MAPK8: variants seen among roughly 807,000 people sequenced by gnomAD.
MAPK8 encodes mitogen-activated protein kinase 8.
In MAPK8, 13 loss-of-function variants were observed where a neutral mutation model predicts 52.9. That is an observed-to-expected ratio of 0.25 (90% CI 0.16 to 0.39). The LOEUF (loss-of-function observed/expected upper bound fraction) is 0.39. Among genes scored for constraint, MAPK8 ranks in the 10% least tolerant of loss-of-function variants. MAPK8 has a pLI of 1.00. For missense variants in MAPK8, 300 were observed against 519.2 expected (o/e 0.58, Z 4.10); for synonymous variants, 191 against 169.8 (o/e 1.12, Z -0.97).
chr10:48,418,462 GATCA>G (rs1305425394), intron 5 of MAPK8, among the ~76,000 whole-genome samples: 1 of 152,104 alleles, frequency 6.6e-6, no homozygotes, highest in Non-Finnish European at 1.5e-5. Flanking sequence ...TTACATAGAT[GATCA>G]GCAACCCAGG....
In MAPK8 at chr10:48,401,722, C is replaced by A; in HGVS notation, c.62C>A (p.Thr21Lys). The A allele has an allele frequency of 6.2e-7, 1 of 1,600,704 alleles. No homozygotes were observed. The highest frequency in any genetic ancestry group is 1.1e-5 in the South Asian group (1 of 89,250). Reference protein sequence around the residue: ...YSVEIGDSTFTVLKRYQNLKP... With the variant: ...YSVEIGDSTFKVLKRYQNLKP... The stretch of plus-strand genomic sequence containing the variant: ...GTAGAGATTGGAGATTCTACATTCA[C>A]AGTCCTGAAACGATATCAGAATTTA... The change falls in exon 2 of 12, where the codon ACA becomes AAA. Residue 21 changes from threonine (T) to lysine (K), a missense_variant. By Grantham distance (78) the Thr-to-Lys change is moderately conservative (BLOSUM62 -1). Coordinates refer to ENST00000374189, the MANE Select transcript of MAPK8 (RefSeq NM_001323329.2).
chr10:48,382,922 A>G lies in MAPK8; in HGVS notation c.-49-18690A>G, dbSNP rs181635312. On this transcript the variant is annotated intron_variant, in intron 1 of 11. Coordinates refer to ENST00000374189, the MANE Select transcript of MAPK8 (RefSeq NM_001323329.2). ...TAGCTATGTGTATATATATATATGTATATATATATAGCTATGTGTATATAT... is the reference window on the plus strand; with the variant it reads ...TAGCTATGTGTATATATATATATGTGTATATATATAGCTATGTGTATATAT... Among the ~76,000 whole-genome samples the G allele has an allele frequency of 6.6e-3, 290 of 43,952 alleles. 3 individuals carry two copies. Among genetic ancestry groups the G allele is most frequent in the African/African-American group, 0.014 (246 of 17,820 alleles). 28.8% of individuals were successfully genotyped at this position (43,952 alleles called of 152,430 possible). A position where few individuals can be genotyped will look rare whatever the true frequency, so the allele number is the denominator to read the frequency against.
intron 5 of MAPK8, among the ~76,000 whole-genome samples, chr10:48,413,444 A>G (rs560455065): frequency 6.6e-6 from 1 of 152,142 alleles, no homozygotes; most frequent in African/African-American, 2.4e-5. Context: ...ATTCTTACCA[A>G]CACTTTTATT....
At chr10:48,420,522 C>T (rs571912158) in intron 6 of MAPK8, among the ~76,000 whole-genome samples, 198 of 152,152 alleles carry the variant, frequency 1.3e-3, no homozygotes, top group Non-Finnish European at 2.1e-3. Flanking sequence ...TGTTTAAATA[C>T]GGATACATAA....
chr10:48,347,505 G>A lies in MAPK8; in HGVS notation c.-50+40684G>A, dbSNP rs555160266. On this transcript the variant is annotated intron_variant, in intron 1 of 11. Coordinates refer to ENST00000374189, the MANE Select transcript of MAPK8 (RefSeq NM_001323329.2). ...GGTGGTTTGCTGCACCCATCATCCC[G>A]TCATCTACATTAGGTATTTCTCCTA... Among the ~76,000 whole-genome samples the A allele has an allele frequency of 6.6e-5, 10 of 152,236 alleles. No homozygotes were observed. The East Asian group carries it at 9.6e-4, about 15-fold the overall frequency.
intron 1 of MAPK8, among the ~76,000 whole-genome samples, chr10:48,374,569 C>T (rs1019663700): frequency 2.6e-5 from 4 of 152,066 alleles, no homozygotes; most frequent in Non-Finnish European, 4.4e-5. Context: ...ACCACTGATC[C>T]CACAGAAATA....
Position 48,431,200 on chromosome 10 carries a change from A to T in MAPK8, c.1068A>T (p.Ile356=). The T allele has an allele frequency of 8.1e-6, 13 of 1,602,564 alleles. No individual in the cohort carries two copies. The highest frequency in any genetic ancestry group is 1.1e-5 in the Non-Finnish European group (13 of 1,169,560). ...TGTTTACTTCTTTTACAGAATTGAT[A>T]TATAAGGAAGTTATGGACTTGGAGG... is the stretch of plus-strand genomic sequence containing the variant. ...EHTIEEWKEL[I]YKEVMDLEER... Residue 356 remains isoleucine (I), a synonymous_variant, in exon 11 of 12, where the codon ATA becomes ATT. Coordinates refer to ENST00000374189, the MANE Select transcript of MAPK8 (RefSeq NM_001323329.2).
intron 1 of MAPK8, among the ~76,000 whole-genome samples, chr10:48,344,437 TAACC>T (rs1564508635): frequency 6.6e-6 from 1 of 152,238 alleles, no homozygotes; most frequent in African/African-American, 2.4e-5. Flanking sequence ...ATCAGGTACA[TAACC>T]AAAGCATTTC....
At chr10:48,372,290 A>G (rs1260029167) in intron 1 of MAPK8, among the ~76,000 whole-genome samples, 1 of 152,106 alleles carries the variant, frequency 6.6e-6, no homozygotes, top group African/African-American at 2.4e-5. Flanking sequence ...AAGTCTGAAA[A>G]TTCCAAAAAC....
chr10:48,430,896 C>G (rs981600736), intron 10 of MAPK8: 4 of 406,612 alleles, frequency 9.8e-6, no homozygotes, highest in African/African-American at 2.1e-5. Flanking sequence ...TGCTGTAGCA[C>G]AAGTTGCTGG....
At chr10:48,347,138 G>C (rs1845868452) in intron 1 of MAPK8, among the ~76,000 whole-genome samples, 1 of 152,114 alleles carries the variant, frequency 6.6e-6, no homozygotes, top group African/African-American at 2.4e-5. Context: ...ACCCTGTGGG[G>C]CTGGTCCCTA....
chr10:48,380,018 C>A (rs574189650), intron 1 of MAPK8, among the ~76,000 whole-genome samples: 1 of 148,926 alleles, frequency 6.7e-6, no homozygotes, highest in Non-Finnish European at 1.5e-5. Flanking sequence ...CTGAGGTGAG[C>A]GGATCATGAG....
chr10:48,409,232 A>G (rs1342473188), intron 3 of MAPK8, among the ~76,000 whole-genome samples: 1 of 152,192 alleles, frequency 6.6e-6, no homozygotes, highest in Non-Finnish European at 1.5e-5. Flanking sequence ...AGTAGAATGG[A>G]CAGCATTCTA....
chr10:48,335,539 T>C (rs542904804), intron 1 of MAPK8, among the ~76,000 whole-genome samples: 7 of 152,352 alleles, frequency 4.6e-5, no homozygotes, highest in Non-Finnish European at 7.3e-5. Flanking sequence ...CTTGATAGTT[T>C]TAATTTTTTC....
intron 1 of MAPK8, among the ~76,000 whole-genome samples, chr10:48,362,799 G>A (rs1459278194): frequency 7.0e-6 from 1 of 143,386 alleles, no homozygotes; most frequent in Non-Finnish European, 1.5e-5. Flanking sequence ...GGAGTGCAAT[G>A]GCGTGATCTT....
intron 1 of MAPK8, among the ~76,000 whole-genome samples, chr10:48,362,246 C>G (rs1297926480): frequency 6.6e-6 from 1 of 152,112 alleles, no homozygotes; most frequent in East Asian, 1.9e-4. Context: ...TACCTCTTTT[C>G]TCCTTACACA....
At chr10:48,352,776 CAAGCGGGGGG>C (rs1308226584) in intron 1 of MAPK8, among the ~76,000 whole-genome samples, 1 of 152,134 alleles carries the variant, frequency 6.6e-6, no homozygotes, top group Non-Finnish European at 1.5e-5. Context: ...CACAGTAAAA[CAAGCGGGGGG>C]AAAGCCCTGA....
chr10:48,321,378 G>A (rs1381220902), intron 1 of MAPK8, among the ~76,000 whole-genome samples: 2 of 152,056 alleles, frequency 1.3e-5, no homozygotes, highest in African/African-American at 4.8e-5. Context: ...GAGCTTCCTT[G>A]CCTGGCCAAA....
chr10:48,400,730 A>G (rs1014510674), intron 1 of MAPK8, among the ~76,000 whole-genome samples: 5 of 152,232 alleles, frequency 3.3e-5, no homozygotes, highest in African/African-American at 1.2e-4. Context: ...AATTGGTTTC[A>G]TGACTTATTG....
Sources: allele counts gnomAD v4.1 joint callset (sites outside exome capture counted in the v4.1 genomes callset), GRCh38; gene constraint gnomAD v4.1.1; transcripts MANE v1.5; gene names NCBI Gene and HGNC (gene_info 2026-07-23, HGNC 2026-07-21).